Variants in RBM27 observed in about 807,000 individuals in gnomAD.
The protein encoded by RBM27 is RNA-binding protein 27.
RBM27 carries 22 observed loss-of-function variants against 135.3 expected under a neutral mutation model. The observed-to-expected ratio is 0.16, with a 90% CI of 0.12 to 0.23. RBM27 has a LOEUF of 0.23. Among genes scored for constraint, RBM27 ranks in the 10% least tolerant of loss-of-function variants. The probability of loss-of-function intolerance (pLI) is 1.00; values close to 1 mark genes in which losing one functional copy is unlikely to be tolerated. For missense variants in RBM27, 1,009 were observed against 1,281.0 expected (o/e 0.79, Z 3.24); for synonymous variants, 481 against 442.4 (o/e 1.09, Z -1.10).
At chr5:146,208,915 G>A (rs1450408243) in intron 1 of RBM27, among the ~76,000 whole-genome samples, 2 of 152,056 alleles carry the variant, frequency 1.3e-5, no homozygotes, top group Non-Finnish European at 2.9e-5. Context: ...ACTTTCTCTT[G>A]GTGTGTGTTT....
Position 146,264,206 on chromosome 5 carries a change from A to G in RBM27, c.2331+575A>G, listed in dbSNP as rs181453316. Among the ~76,000 whole-genome samples the G allele has an allele frequency of 5.9e-3, 901 of 152,086 alleles. 8 individuals carry two copies. The highest frequency in any genetic ancestry group is 0.02 in the African/African-American group (848 of 41,520). On this transcript the variant is annotated intron_variant, in intron 14 of 20. Transcript: ENST00000265271. ...TGTTTGTTTGTTTGTTTTTTGAGAC[A>G]GAGTTTTGCTCTTGTTGCCCAGGCT...
intron 13 of RBM27, among the ~76,000 whole-genome samples, 177 bp downstream of exon 13, chr5:146,261,983 A>G (rs1459624893): frequency 6.6e-6 from 1 of 152,180 alleles, no homozygotes; most frequent in Non-Finnish European, 1.5e-5. Context: ...GAAAAATTTC[A>G]GATTCTTGAG....
intron 3 of RBM27, among the ~76,000 whole-genome samples, chr5:146,225,717 C>T (rs1448136958): frequency 6.6e-6 from 1 of 152,010 alleles, no homozygotes; most frequent in Non-Finnish European, 1.5e-5. Context: ...AGGCATGTGC[C>T]ACCATGCCTG....
At chr5:146,248,022 A>G (rs879058921) in intron 8 of RBM27, among the ~76,000 whole-genome samples, 17 of 152,180 alleles carry the variant, frequency 1.1e-4, no homozygotes, top group Admixed American at 8.5e-4. Context: ...CAGAAGAGAC[A>G]TGATATATGT....
chr5:146,217,636 T>G (rs1395937261), intron 1 of RBM27, among the ~76,000 whole-genome samples: 1 of 151,822 alleles, frequency 6.6e-6, no homozygotes, highest in Admixed American at 6.6e-5. Flanking sequence ...TGGCTGCTAG[T>G]GAAGGCCCAA....
At position 146,258,545 on chromosome 5, in the gene RBM27, C is replaced by T; in HGVS notation, c.1691C>T (p.Ala564Val). The T allele has an allele frequency of 1.9e-6, 3 of 1,592,448 alleles. No homozygotes were observed. The highest frequency in any genetic ancestry group is 2.6e-6 in the Non-Finnish European group (3 of 1,169,318). ...VVLEPDSRKR[A>V]MSGLEGPLTK... ...CTTGAACCAGATAGTCGAAAAAGAG[C>T]TATGAGTGGTTTGGAAGGGCCACTC... The change falls in exon 11 of 21, where the codon GCT (alanine) becomes GTT (valine). Residue 564 changes from alanine (A) to valine (V), a missense_variant. Physicochemically the swap from Ala to Val is moderately conservative, Grantham distance 64. Coordinates refer to ENST00000265271, the MANE Select transcript of RBM27 (RefSeq NM_018989.2).
At position 146,237,419 on chromosome 5, in the gene RBM27, C is replaced by T; in HGVS notation, c.1266C>T (p.Tyr422=). ...CTCCTTTACCCCAGAACCTCCTTTA[C>T]ACAGTATCAGAACGTAAGTACATGT... is the stretch of plus-strand genomic sequence containing the variant. ...LPPPLPQNLL[Y]TVSERQPMYS... Residue 422 remains tyrosine, a synonymous_variant, in exon 8 of 21, where the codon TAC becomes TAT. Transcript: ENST00000265271. The T allele has an allele frequency of 6.2e-7, 1 of 1,614,030 alleles. No individual in the cohort carries two copies. The highest frequency in any genetic ancestry group is 8.5e-7 in the Non-Finnish European group (1 of 1,179,904).
chr5:146,284,577 T>G (rs759137031), intron 19 of RBM27, 45 bp from the exon 20 acceptor site: 1 of 1,248,196 alleles, frequency 8.0e-7, no homozygotes, highest in South Asian at 1.2e-5. Context: ...AAATCATTAG[T>G]AAATTTGAGT....
intron 2 of RBM27, 66 bp downstream of exon 2, chr5:146,219,169 G>A: frequency 1.7e-6 from 2 of 1,175,830 alleles, no homozygotes; most frequent in South Asian, 1.4e-5. Flanking sequence ...TTCCTGAAAA[G>A]TCTTGGAGAT....
chr5:146,271,736 G>T (rs77768960), intron 19 of RBM27, 62 bp downstream of exon 19: 3 of 1,429,734 alleles, frequency 2.1e-6, no homozygotes, highest in South Asian at 1.3e-5. Flanking sequence ...TTTCCTTGCT[G>T]CAGTGTCTAT....
chr5:146,205,594 T>A (rs893038845), intron 1 of RBM27, among the ~76,000 whole-genome samples: 7 of 152,192 alleles, frequency 4.6e-5, no homozygotes, highest in Admixed American at 6.5e-5. Flanking sequence ...GGGGTTTTTT[T>A]AACTCCTACA....
chr5:146,267,962 A>T (rs1758689455), intron 15 of RBM27, among the ~76,000 whole-genome samples, 194 bp downstream of exon 15: 2 of 151,706 alleles, frequency 1.3e-5, no homozygotes, highest in South Asian at 2.1e-4. Context: ...GCCATTCAGA[A>T]TTTTTTTTTG....
At chr5:146,235,033 A>AAAAAAAAT (rs147212669) in intron 7 of RBM27, among the ~76,000 whole-genome samples, 84 of 139,530 alleles carry the variant, frequency 6.0e-4, no homozygotes, top group African/African-American at 2.2e-3. Context: ...CCCTGTCTCA[A>AAAAAAAAT]AAATAAATAA....
At chr5:146,246,087 T>G (rs1561545484) in intron 8 of RBM27, among the ~76,000 whole-genome samples, 1 of 152,234 alleles carries the variant, frequency 6.6e-6, no homozygotes, top group Non-Finnish European at 1.5e-5. Context: ...TTGATTTCTA[T>G]TATACATCAG....
chr5:146,228,483 T>C (rs946263506), intron 3 of RBM27, among the ~76,000 whole-genome samples: 17 of 151,974 alleles, frequency 1.1e-4, no homozygotes, highest in Non-Finnish European at 2.5e-4. Context: ...GGTTTCACCA[T>C]GTTGGCCATG....
chr5:146,263,884 CA>C (rs1758500800), intron 14 of RBM27, among the ~76,000 whole-genome samples: 1 of 151,934 alleles, frequency 6.6e-6, no homozygotes, highest in Non-Finnish European at 1.5e-5. Context: ...GTGAGTGGAT[CA>C]CCTGAGGTCA....
intron 1 of RBM27, among the ~76,000 whole-genome samples, chr5:146,212,333 C>T (rs1361080342): frequency 1.3e-5 from 2 of 150,514 alleles, no homozygotes; most frequent in African/African-American, 2.4e-5. Context: ...GGATTACAGG[C>T]GTGAGCCACC....
intron 19 of RBM27, among the ~76,000 whole-genome samples, chr5:146,272,453 C>G (rs964145398): frequency 6.6e-6 from 1 of 152,142 alleles, no homozygotes; most frequent in African/African-American, 2.4e-5. Context: ...GACAATGGCT[C>G]ATGTCTGTAA....
At chr5:146,207,962 T>TG (rs1755771468) in intron 1 of RBM27, among the ~76,000 whole-genome samples, 1 of 142,136 alleles carries the variant, frequency 7.0e-6, no homozygotes, top group Admixed American at 7.1e-5. Context: ...TTTTTTTTTT[T>TG]TTTTTTTTTT....
Sources: allele counts gnomAD v4.1 joint callset (sites outside exome capture counted in the v4.1 genomes callset), GRCh38; gene constraint gnomAD v4.1.1; transcripts MANE v1.5; gene names NCBI Gene and HGNC (gene_info 2026-07-23, HGNC 2026-07-21).